IKZF3: variants seen among roughly 807,000 people sequenced by gnomAD.
The protein encoded by IKZF3 is zinc finger protein Aiolos.
A neutral mutation model predicts 49.0 loss-of-function variants in IKZF3; 10 were observed. That is an observed-to-expected ratio of 0.20 (90% CI 0.13 to 0.35). The LOEUF (loss-of-function observed/expected upper bound fraction) is 0.35, where lower values mean the gene tolerates loss of function less well. IKZF3 is among the 10% of genes least tolerant of loss of function. The probability of loss-of-function intolerance (pLI) is 1.00; values close to 1 mark genes in which losing one functional copy is unlikely to be tolerated. For synonymous variants in IKZF3, 209 were observed against 228.2 expected (o/e 0.92, Z 0.76); for missense variants, 498 against 664.8 (o/e 0.75, Z 2.76).
At chr17:39,839,356 C>T in intron 1 of IKZF3, 2 of 570,798 alleles carry the variant, frequency 3.5e-6, no homozygotes, top group African/African-American at 1.9e-5. Flanking sequence ...TGTGCCATCT[C>T]ATGTGCAATT....
chr17:39,830,328 G>A (rs2062076451), intron 2 of IKZF3, among the ~76,000 whole-genome samples: 2 of 152,184 alleles, frequency 1.3e-5, no homozygotes, highest in Admixed American at 6.5e-5. Flanking sequence ...TTTACTGAAT[G>A]TTGACAAGGC....
At chr17:39,770,318 G>A (rs1781521104) in intron 7 of IKZF3, among the ~76,000 whole-genome samples, 1 of 152,198 alleles carries the variant, frequency 6.6e-6, no homozygotes, top group African/African-American at 2.4e-5. Flanking sequence ...ACCAGCTTCA[G>A]GCTGAATTAG....
At chr17:39,816,436 C>T (rs2061679862) in intron 3 of IKZF3, among the ~76,000 whole-genome samples, 2 of 152,274 alleles carry the variant, frequency 1.3e-5, no homozygotes, top group Admixed American at 1.3e-4. Context: ...AGGTCAAATC[C>T]AACCCACTGC....
Position 39,848,210 on chromosome 17 carries a change from AT to A in IKZF3, c.7+15909del, listed in dbSNP as rs981221229. Among the ~76,000 whole-genome samples, 134 of 152,240 alleles carry A rather than the reference AT, an allele frequency of 8.8e-4. 1 individual carries two copies. The highest frequency in any genetic ancestry group is 2.9e-3 in the African/African-American group (120 of 41,536). On this transcript the variant is annotated intron_variant, in intron 1 of 7. Coordinates refer to ENST00000346872, the MANE Select transcript of IKZF3 (RefSeq NM_012481.5). ...TCCTACCCTCCCCCTTTAAAAAAAA[AT>A]AAAGCATTCCATTTTTTCTCCTAGA...
chr17:39,785,638 TG>T (rs1330273580), intron 6 of IKZF3, among the ~76,000 whole-genome samples: 2 of 152,194 alleles, frequency 1.3e-5, no homozygotes, highest in African/African-American at 4.8e-5. Flanking sequence ...TGTAGTTTTC[TG>T]ATTTTTCCCC....
At chr17:39,831,985 A>C (rs920536441) in intron 2 of IKZF3, 113 bp downstream of exon 2, 2 of 727,766 alleles carry the variant, frequency 2.7e-6, no homozygotes, top group East Asian at 5.4e-5. Context: ...TTAAAAAAAA[A>C]CACACACACA....
chr17:39,770,951 A>G (rs2060424109), intron 7 of IKZF3, among the ~76,000 whole-genome samples: 1 of 151,988 alleles, frequency 6.6e-6, no homozygotes, highest in Non-Finnish European at 1.5e-5. Context: ...GACTACAGGC[A>G]CGTGCCACTA....
chr17:39,800,550 G>A (rs2061291824), intron 3 of IKZF3, among the ~76,000 whole-genome samples: 1 of 152,072 alleles, frequency 6.6e-6, no homozygotes, highest in Non-Finnish European at 1.5e-5. Context: ...TAACCCATAG[G>A]AAATTAGATT....
chr17:39,778,243 A>C, intron 6 of IKZF3: 1 of 886,166 alleles, frequency 1.1e-6, no homozygotes, highest in African/African-American at 1.8e-5. Context: ...ACTCACACAG[A>C]TAGCAAGACA....
chr17:39,816,492 C>A (rs2061680936), intron 3 of IKZF3, among the ~76,000 whole-genome samples: 1 of 152,216 alleles, frequency 6.6e-6, no homozygotes. Flanking sequence ...CACTCACATT[C>A]ATTTATGTAT....
chr17:39,820,307 T>C (rs1340797511), intron 3 of IKZF3, among the ~76,000 whole-genome samples: 1 of 152,148 alleles, frequency 6.6e-6, no homozygotes, highest in Non-Finnish European at 1.5e-5. Context: ...AGAGTAACAT[T>C]CATAAAGCAA....
At position 39,864,192 on chromosome 17, in the gene IKZF3, C is replaced by T. The variant is rs1381578208; in HGVS notation, c.-66G>A. 12 of 1,568,136 alleles carry T rather than the reference C, an allele frequency of 7.7e-6. No individual in the cohort carries two copies. Among genetic ancestry groups the T allele is most frequent in the Non-Finnish European group, 1.0e-5 (12 of 1,155,706 alleles). ...CGGCCTCTCCACGTGCTCCTGCCGT[C>T]GCCTGGACTCAGCGCGCAGCTGGCG... On this transcript the variant is annotated 5_prime_UTR_variant, in exon 1 of 8. Coordinates refer to ENST00000346872, the MANE Select transcript of IKZF3 (RefSeq NM_012481.5).
At chr17:39,858,953 C>T (rs1483490061) in intron 1 of IKZF3, among the ~76,000 whole-genome samples, 3 of 151,932 alleles carry the variant, frequency 2.0e-5, no homozygotes, top group Admixed American at 6.6e-5. Context: ...CACACCACCA[C>T]ACCAGGCCAA....
Position 39,763,834 on chromosome 17 carries a change from TTTTG to T in IKZF3, c.*1952_*1955del, listed in dbSNP as rs1167015033. The T allele has an allele frequency of 6.6e-6, 1 of 152,110 alleles. No homozygotes were observed. Among genetic ancestry groups the T allele is most frequent in the East Asian group, 1.9e-4 (1 of 5,186 alleles). The allele number at this position is 152,110 out of a possible 1,614,324, so 9.4% of individuals were successfully genotyped here. A position where few individuals can be genotyped will look rare whatever the true frequency, so the allele number is the denominator to read the frequency against. Reference sequence around the variant, plus strand: ...TTTATGGATGAGGAAACTGAGTTTTTTTTGTTTTTGTTTGTTTGTTTTTGTTTTG... The same window carrying T: ...TTTATGGATGAGGAAACTGAGTTTTTTTTTTGTTTGTTTGTTTTTGTTTTG... On this transcript the variant is annotated 3_prime_UTR_variant, in exon 8 of 8. Coordinates refer to ENST00000346872, the MANE Select transcript of IKZF3 (RefSeq NM_012481.5).
chr17:39,822,455 C>T (rs1015332366), intron 3 of IKZF3, among the ~76,000 whole-genome samples: 2 of 152,162 alleles, frequency 1.3e-5, no homozygotes, highest in Non-Finnish European at 2.9e-5. Flanking sequence ...CTCTCTTCTG[C>T]CACCCTGTGA....
intron 1 of IKZF3, among the ~76,000 whole-genome samples, chr17:39,863,349 A>G (rs2063267292): frequency 6.6e-6 from 1 of 152,156 alleles, no homozygotes; most frequent in South Asian, 2.1e-4. Flanking sequence ...TCAAAGTAAC[A>G]TTTTAGTTAG....
At chr17:39,816,885 T>C (rs1464915817) in intron 3 of IKZF3, among the ~76,000 whole-genome samples, 1 of 152,136 alleles carries the variant, frequency 6.6e-6, no homozygotes, top group Non-Finnish European at 1.5e-5. Context: ...AGCTAATTTT[T>C]GTATTTTTAG....
intron 1 of IKZF3, among the ~76,000 whole-genome samples, chr17:39,838,212 C>T (rs1246660207): frequency 6.6e-6 from 1 of 152,100 alleles, no homozygotes; most frequent in Non-Finnish European, 1.5e-5. Flanking sequence ...GTTCCATTCT[C>T]CTCCCCTTTT....
At chr17:39,854,788 G>A (rs2062990809) in intron 1 of IKZF3, among the ~76,000 whole-genome samples, 1 of 152,090 alleles carries the variant, frequency 6.6e-6, no homozygotes, top group African/African-American at 2.4e-5. Flanking sequence ...TAGAAAAATG[G>A]GGAGTGAGGG....
Sources: allele counts gnomAD v4.1 joint callset (sites outside exome capture counted in the v4.1 genomes callset), GRCh38; gene constraint gnomAD v4.1.1; transcripts MANE v1.5; gene names NCBI Gene and HGNC (gene_info 2026-07-23, HGNC 2026-07-21).